Variants in PBRM1 observed in about 807,000 individuals in gnomAD.
The protein encoded by PBRM1 is polybromo 1.
A neutral mutation model predicts 194.5 loss-of-function variants in PBRM1; 27 were observed. That is an observed-to-expected ratio of 0.14 (90% confidence interval 0.10 to 0.19). The LOEUF (loss-of-function observed/expected upper bound fraction) is 0.19. Ranked by LOEUF, PBRM1 falls within the 10% of genes least tolerant of loss-of-function variation. PBRM1 has a pLI of 1.00. For synonymous variants in PBRM1, 655 were observed against 693.2 expected (o/e 0.94, Z 0.87); for missense variants, 1,466 against 2,077.2 (o/e 0.71, Z 5.72).
chr3:52,679,761 A>G, upstream of PBRM1: 2 of 1,569,494 alleles, frequency 1.3e-6, no homozygotes, highest in Non-Finnish European at 1.7e-6. Context: ...CTTACATTTA[A>G]ATAGACTCTG....
intron 22 of PBRM1, among the ~76,000 whole-genome samples, chr3:52,571,626 CAAAAAAAAAAA>C (rs778993265): frequency 2.6e-5 from 1 of 38,706 alleles, no homozygotes; most frequent in African/African-American, 1.0e-4. Context: ...AACTCCATCT[CAAAAAAAAAAA>C]AAAAAAAAAA....
chr3:52,590,041 T>C (rs1432605994), intron 17 of PBRM1, among the ~76,000 whole-genome samples: 1 of 151,962 alleles, frequency 6.6e-6, no homozygotes, highest in African/African-American at 2.4e-5. Flanking sequence ...TTGGTCAGGC[T>C]GGTCTCGATC....
intron 17 of PBRM1, among the ~76,000 whole-genome samples, chr3:52,599,655 CAAAA>C (rs71615864): frequency 8.1e-6 from 1 of 123,012 alleles, no homozygotes; most frequent in East Asian, 2.3e-4. Context: ...ACTAAAAATA[CAAAA>C]AAAAAAAAAA....
intron 3 of PBRM1, among the ~76,000 whole-genome samples, chr3:52,665,676 G>A (rs1023868311): frequency 6.6e-6 from 1 of 152,158 alleles, no homozygotes; most frequent in Non-Finnish European, 1.5e-5. Context: ...TCTAGGCTGT[G>A]AGCTCCTTAT....
chr3:52,562,423 G>A (rs1258337515), intron 24 of PBRM1, among the ~76,000 whole-genome samples: 11 of 151,470 alleles, frequency 7.3e-5, no homozygotes. Flanking sequence ...CTATTTTCTT[G>A]GTCAAAACAC....
At chr3:52,644,077 TA>T (rs2096213462) in intron 8 of PBRM1, among the ~76,000 whole-genome samples, 2 of 151,774 alleles carry the variant, frequency 1.3e-5, no homozygotes, top group South Asian at 4.1e-4. Context: ...ATACTACTAA[TA>T]TTATATATAA....
rs979292118 is a variant in PBRM1 at position 52,609,174 on chromosome 3, T to A, written c.2567+139A>T. On this transcript the variant is annotated intron_variant, in intron 16 of 29. Coordinates refer to ENST00000296302, the Ensembl canonical transcript of PBRM1. The surrounding 1 kb of genome is among the most constrained non-coding windows in gnomAD (Gnocchi z 4.1). ...ATACTCACTCTTAAGAAGTTCTGGC[T>A]GATTAGAATTCAGAATAGCATGCTA... 1.5e-6 allele frequency: 1 copy of A among 686,766 alleles called. No individual in the cohort carries two copies. The highest frequency in any genetic ancestry group is 2.9e-5 in the Admixed American group (1 of 34,012). 42.5% of individuals were successfully genotyped at this position (686,766 alleles called of 1,614,324 possible).
chr3:52,617,062 T>C (rs533231340), intron 14 of PBRM1, among the ~76,000 whole-genome samples, 200 bp downstream of exon 16: 70 of 152,324 alleles, frequency 4.6e-4, no homozygotes, highest in African/African-American at 1.6e-3. Context: ...AAATCTAGGA[T>C]GTCAGATTAC....
intron 2 of PBRM1, among the ~76,000 whole-genome samples, chr3:52,671,689 C>A (rs557881933): frequency 6.6e-6 from 1 of 152,320 alleles, no homozygotes; most frequent in African/African-American, 2.4e-5. Flanking sequence ...CTACTTTATG[C>A]TAATTAAATG....
intron 17 of PBRM1, among the ~76,000 whole-genome samples, chr3:52,598,608 A>G (rs1358318872): frequency 6.6e-6 from 1 of 152,166 alleles, no homozygotes; most frequent in African/African-American, 2.4e-5. Flanking sequence ...ACATATGATA[A>G]TCATGTGGCT....
At chr3:52,551,156 C>G (rs1477414513) in intron 27 of PBRM1, among the ~76,000 whole-genome samples, 1 of 152,222 alleles carries the variant, frequency 6.6e-6, no homozygotes, top group Non-Finnish European at 1.5e-5. Flanking sequence ...ACAACACATT[C>G]TCCTGCAACT....
At chr3:52,597,382 TCTC>T (rs956890857) in intron 17 of PBRM1, among the ~76,000 whole-genome samples, 1 of 152,184 alleles carries the variant, frequency 6.6e-6, no homozygotes, top group Non-Finnish European at 1.5e-5. Flanking sequence ...GTCTCCTAAT[TCTC>T]CTATTTCTTG....
intron 13 of PBRM1, among the ~76,000 whole-genome samples, chr3:52,620,624 A>G (rs1226514604): frequency 1.3e-5 from 2 of 152,218 alleles, no homozygotes; most frequent in Non-Finnish European, 1.5e-5. Context: ...AAGTAAAAGA[A>G]TGGCAAGCGG....
chr3:52,589,020 TCAAA>T (rs766226867), intron 18 of PBRM1, 46 bp downstream of exon 20: 20 of 1,368,714 alleles, frequency 1.5e-5, no homozygotes, highest in African/African-American at 2.9e-5. Flanking sequence ...CAAGGAGAAG[TCAAA>T]CAGTCATATC....
chr3:52,677,738 T>G (rs1311365289), intron 2 of PBRM1, among the ~76,000 whole-genome samples: 1 of 152,148 alleles, frequency 6.6e-6, no homozygotes, highest in East Asian at 1.9e-4. Context: ...TTTTGTATTT[T>G]TTAGTAGAGA....
chr3:52,648,807 G>A (rs2096401741), intron 6 of PBRM1, among the ~76,000 whole-genome samples: 1 of 152,158 alleles, frequency 6.6e-6, no homozygotes, highest in Non-Finnish European at 1.5e-5. Context: ...ATTTAATAGT[G>A]TGAAGCAAAA....
intron 25 of PBRM1, among the ~76,000 whole-genome samples, chr3:52,558,854 A>G (rs564998871): frequency 2.0e-5 from 3 of 152,270 alleles, no homozygotes; most frequent in East Asian, 1.9e-4. Context: ...TACTATATAT[A>G]TTTCCTGATT....
chr3:52,657,288 A>C (rs2096624646), intron 5 of PBRM1, among the ~76,000 whole-genome samples: 1 of 152,220 alleles, frequency 6.6e-6, no homozygotes, highest in Non-Finnish European at 1.5e-5. Flanking sequence ...CTAAAATGAT[A>C]AATTTTATGA....
chr3:52,593,803 T>C lies in PBRM1; in HGVS notation c.2780-4548A>G, dbSNP rs530832317. ...TGGTCTAAGAGAGTGGTTGGTATAATTTTCCTTCTTTTGCATTTTCTGAGG... is the reference window on the plus strand; with the variant it reads ...TGGTCTAAGAGAGTGGTTGGTATAACTTTCCTTCTTTTGCATTTTCTGAGG... On this transcript the variant is annotated intron_variant, in intron 17 of 29. Coordinates refer to ENST00000296302, the Ensembl canonical transcript of PBRM1. Among the ~76,000 whole-genome samples the C allele has an allele frequency of 7.2e-5, 11 of 152,312 alleles. No individual in the cohort carries two copies. The South Asian group carries it at 2.3e-3, about 32-fold the overall frequency.
Sources: gnomAD v4.1 joint callset for allele counts (sites outside exome capture counted in the v4.1 genomes callset) on GRCh38, gnomAD v4.1.1 for gene constraint, Gnocchi (gnomAD v3.1) non-coding constraint, MANE v1.5 for transcripts, NCBI Gene and HGNC (gene_info 2026-07-23, HGNC 2026-07-21) for gene names.